The following LRCH4 variants were observed in gnomAD, a reference collection of about 807,000 sequenced individuals.
The protein encoded by LRCH4 is leucine-rich repeat and calponin homology domain-containing protein 4.
A neutral mutation model predicts 81.2 loss-of-function variants in LRCH4; 56 were observed. That is an observed-to-expected ratio of 0.69 (90% CI 0.56 to 0.86). The LOEUF (loss-of-function observed/expected upper bound fraction) is 0.86, where lower values mean the gene tolerates loss of function less well. LRCH4 is among the 40% of genes least tolerant of loss of function. The pLI is 0.00. For synonymous variants in LRCH4, 442 were observed against 409.7 expected (o/e 1.08, Z -0.95); for missense variants, 895 against 922.8 (o/e 0.97, Z 0.39).
At chr7:100,576,622 A>C in intron 14 of LRCH4, 72 bp downstream of exon 14, 1 of 1,334,052 alleles carries the variant, frequency 7.5e-7, no homozygotes, top group South Asian at 1.3e-5. Context: ...GAGGGCTCCC[A>C]GGGCAGAAGG....
rs1801582521 is a variant in LRCH4, at chr7:100,582,249, G to A, written c.365+66C>T. On this transcript the variant is annotated intron_variant, in intron 2 of 17. Coordinates refer to ENST00000310300, the MANE Select transcript of LRCH4 (RefSeq NM_002319.5). The surrounding 1 kb of genome is among the most constrained non-coding windows in gnomAD (Gnocchi z 5.0). ...CCATCCTCTCGGGGTCACTGGGTGGGTCACTCAGTAGTACTTGAGACTGAG... is the reference window on the plus strand; with the variant it reads ...CCATCCTCTCGGGGTCACTGGGTGGATCACTCAGTAGTACTTGAGACTGAG... 6.2e-7 allele frequency: 1 copy of A among 1,612,628 alleles called. No homozygotes were observed. Among genetic ancestry groups the A allele is most frequent in the Non-Finnish European group, 8.5e-7 (1 of 1,179,052 alleles).
intron 14 of LRCH4, 138 bp downstream of exon 14, chr7:100,576,556 A>T (rs1171404898): frequency 1.3e-5 from 10 of 790,076 alleles, no homozygotes; most frequent in Non-Finnish European, 2.0e-5. Context: ...GAGCCACCAC[A>T]CCCGGCTTGC....
chr7:100,575,348 TCAGCAG>T lies in LRCH4; in HGVS notation c.1855-50_1855-45del, dbSNP rs779817264. 2.7e-6 allele frequency: 4 copies of T among 1,485,500 alleles called. No individual in the cohort carries two copies. The highest frequency in any genetic ancestry group is 1.4e-5 in the African/African-American group (1 of 71,844). 92.0% of individuals were successfully genotyped at this position (1,485,500 alleles called of 1,614,324 possible). ...GGTGGACAAGGACAAGGGACAGACG[TCAGCAG>T]CAGCAGCAGGACAGTCCCTCCCACC... is the stretch of plus-strand genomic sequence containing the variant. On this transcript the variant is annotated intron_variant, in intron 17 of 17. Transcript: ENST00000310300. This position sits in a 1 kb window ranked among gnomAD's most constrained non-coding sequence, Gnocchi z 5.3.
At chr7:100,584,370 C>T (rs528890239) in intron 1 of LRCH4, among the ~76,000 whole-genome samples, 3 of 151,810 alleles carry the variant, frequency 2.0e-5, no homozygotes, top group South Asian at 4.2e-4. Context: ...TCCGACCCCC[C>T]CCCAAGCTCA....
chr7:100,576,544 G>GT (rs1801365433), intron 14 of LRCH4, 150 bp downstream of exon 14: 1 of 742,898 alleles, frequency 1.3e-6, no homozygotes, highest in East Asian at 2.7e-5. Flanking sequence ...GATTACAGGT[G>GT]TGAGCCACCA....
chr7:100,579,763 C>T (rs1377895804), intron 4 of LRCH4: 2 of 152,208 alleles, frequency 1.3e-5, no homozygotes, highest in African/African-American at 4.8e-5. Context: ...TGAGCCTTCC[C>T]AGGTGCTGTT....
chr7:100,584,951 G>A (rs762342898), intron 1 of LRCH4: 1 of 367,780 alleles, frequency 2.7e-6, no homozygotes, highest in Non-Finnish European at 5.4e-6. Flanking sequence ...AAGGTCATAG[G>A]CTGCCTCCTG....
chr7:100,578,041 G>A lies in LRCH4; in HGVS notation c.948+118C>T. On this transcript the variant is annotated intron_variant, in intron 7 of 17. Transcript: ENST00000310300. The surrounding 1 kb of genome is among the most constrained non-coding windows in gnomAD (Gnocchi z 5.7). ...GCCCTTCCCTGGGATGCTGGGCAGA[G>A]GGAAGGAAGAGGACAGCTCCAGCCT... is the stretch of plus-strand genomic sequence containing the variant. 6 of 1,311,484 alleles carry A rather than the reference G, an allele frequency of 4.6e-6. No homozygotes were observed. Among genetic ancestry groups the A allele is most frequent in the Non-Finnish European group, 6.5e-6 (6 of 922,438 alleles). 81.2% of individuals were successfully genotyped at this position (1,311,484 alleles called of 1,614,324 possible).
Position 100,576,786 on chromosome 7 carries a change from G to A in LRCH4, c.1469-9C>T, listed in dbSNP as rs185795340. 71 of 1,581,168 alleles carry A rather than the reference G, an allele frequency of 4.5e-5. No homozygotes were observed. The highest frequency in any genetic ancestry group is 1.8e-4 in the East Asian group (8 of 43,368). ...TGGAGCAGGTGCTGTCGCTGGGGCCGGAACCAGGGACACAGCGACAGGGGC... is the reference window on the plus strand; with the variant it reads ...TGGAGCAGGTGCTGTCGCTGGGGCCAGAACCAGGGACACAGCGACAGGGGC... On this transcript the variant is annotated splice_polypyrimidine_tract_variant and intron_variant, in intron 13 of 17. Transcript: ENST00000310300.
In LRCH4 at chr7:100,585,999, T is replaced by G; in HGVS notation, c.102A>C (p.Ala34=). ...CCACGGCCTCCTCTAGGGCCCGCTC[T>G]GCACTGCGTCTCCCCGGCAGACCTG... ...GSPGLPGRRS[A]ERALEEAVAT... Residue 34 remains alanine (A), a synonymous_variant, in exon 1 of 18, where the codon GCA becomes GCC. Transcript: ENST00000310300. 6.2e-7 allele frequency: 1 copy of G among 1,610,966 alleles called. No homozygotes were observed. Among genetic ancestry groups the G allele is most frequent in the Non-Finnish European group, 8.5e-7 (1 of 1,178,492 alleles).
chr7:100,575,621 C>G lies in LRCH4; in HGVS notation c.1854+84G>C, dbSNP rs761780984. On this transcript the variant is annotated intron_variant, in intron 17 of 17. Coordinates refer to ENST00000310300, the MANE Select transcript of LRCH4 (RefSeq NM_002319.5). This position sits in a 1 kb window ranked among gnomAD's most constrained non-coding sequence, Gnocchi z 5.3. ...GTGCCTTCATCTGAGAGCAGACATC[C>G]GCTGCAAATGGAAGCCCACCATCCA... The G allele has an allele frequency of 6.7e-7, 1 of 1,498,142 alleles. No homozygotes were observed. The highest frequency in any genetic ancestry group is 1.7e-5 in the Admixed American group (1 of 59,876). 92.8% of individuals were successfully genotyped at this position (1,498,142 alleles called of 1,614,324 possible). A position where few individuals can be genotyped will look rare whatever the true frequency, so the allele number is the denominator to read the frequency against.
In LRCH4 at chr7:100,577,322, G is replaced by A. The variant is rs761412341; in HGVS notation, c.1246C>T (p.Arg416Trp). 21 of 1,598,186 alleles carry A rather than the reference G, an allele frequency of 1.3e-5. No homozygotes were observed. The highest frequency in any genetic ancestry group is 1.0e-4 in the Admixed American group (6 of 59,700). Residue 416 changes from arginine to tryptophan, a missense_variant, in exon 11 of 18, where the codon CGG (arginine) becomes TGG (tryptophan). Coordinates refer to ENST00000310300, the MANE Select transcript of LRCH4 (RefSeq NM_002319.5). The surrounding 1 kb of genome is among the most constrained non-coding windows in gnomAD (Gnocchi z 6.7). The part of the protein sequence containing the change: ...DTLQLWQERE[R>W]RQQQQSGAWG... The stretch of plus-strand genomic sequence containing the variant: ...GCCCCGCTCTGCTGCTGCTGCCGCC[G>A]TTCCCGCTCCTGCCACAGCTGCAAG...
In LRCH4 at chr7:100,582,772, T is replaced by C. The variant is rs1469833086; in HGVS notation, c.221-313A>G. ...GAATCTCTAACTCCTGTGGTTCCTG[T>C]TCAGAGATGCCAGGTGAGGCGGAGG... On this transcript the variant is annotated intron_variant, in intron 1 of 17. Transcript: ENST00000310300. This position sits in a 1 kb window ranked among gnomAD's most constrained non-coding sequence, Gnocchi z 5.0. 6.6e-6 allele frequency among the ~76,000 whole-genome samples: 1 copy of C among 152,150 alleles called. No homozygotes were observed.
Position 100,575,461 on chromosome 7 carries a change from G to A in LRCH4, c.1855-157C>T, listed in dbSNP as rs1801321651. The A allele has an allele frequency of 2.4e-6, 2 of 844,432 alleles. No individual in the cohort carries two copies. Among genetic ancestry groups the A allele is most frequent in the East Asian group, 2.6e-5 (1 of 37,938 alleles). The allele number at this position is 844,432 out of a possible 1,614,324, so 52.3% of individuals were successfully genotyped here. ...GGGAGTGCAGTGCAGGAGGAGTGCA[G>A]GGCAGGGCATGTGCAGGACAGGTGA... On this transcript the variant is annotated intron_variant, in intron 17 of 17. Coordinates refer to ENST00000310300, the MANE Select transcript of LRCH4 (RefSeq NM_002319.5). This position sits in a 1 kb window ranked among gnomAD's most constrained non-coding sequence, Gnocchi z 5.3.
intron 1 of LRCH4, among the ~76,000 whole-genome samples, chr7:100,584,475 C>G (rs1035150872): frequency 6.6e-6 from 1 of 151,772 alleles, no homozygotes; most frequent in African/African-American, 2.4e-5. Context: ...GTAGTTTTCC[C>G]CAAGAGTCCA....
rs1234233622 is a variant in LRCH4 at position 100,576,305 on chromosome 7, G to A, written c.1571C>T (p.Ser524Phe). ...GGGGTACCGCCGAGGTCTCAGGACA[G>A]AGTCTGGTGAGGAAGGGCCTAGGAG... is the stretch of plus-strand genomic sequence containing the variant. ...QSGSGPSSPDSVLRPRRYPQV... is the reference protein window; with the variant it reads ...QSGSGPSSPDFVLRPRRYPQV... Residue 524 changes from serine to phenylalanine, a missense_variant, in exon 15 of 18, where the codon TCT (serine) becomes TTT (phenylalanine). Coordinates refer to ENST00000310300, the MANE Select transcript of LRCH4 (RefSeq NM_002319.5). 1 of 1,614,070 alleles carries A rather than the reference G, an allele frequency of 6.2e-7. No individual in the cohort carries two copies. The highest frequency in any genetic ancestry group is 1.7e-5 in the Admixed American group (1 of 60,014).
At chr7:100,585,821 C>T (rs1250119856) in intron 1 of LRCH4, 60 bp downstream of exon 1, 1 of 1,442,912 alleles carries the variant, frequency 6.9e-7, no homozygotes, top group Non-Finnish European at 9.1e-7. Flanking sequence ...CCGGGCGGGG[C>T]CCGGGGTGGG....
intron 4 of LRCH4, chr7:100,579,403 C>G (rs1035545913): frequency 6.6e-6 from 1 of 152,376 alleles, no homozygotes; most frequent in Admixed American, 6.5e-5. Context: ...TGAGACCACC[C>G]TGGCTAACAT....
intron 1 of LRCH4, chr7:100,584,051 A>T: frequency 2.3e-6 from 1 of 439,470 alleles, no homozygotes. Flanking sequence ...AGCCTAGTCC[A>T]AGGGAGATCA....
Sources: gnomAD v4.1 joint callset for allele counts (sites outside exome capture counted in the v4.1 genomes callset) on GRCh38, gnomAD v4.1.1 for gene constraint, Gnocchi (gnomAD v3.1) non-coding constraint, MANE v1.5 for transcripts, NCBI Gene and HGNC (gene_info 2026-07-23, HGNC 2026-07-21) for gene names.